SLC26A4: variants seen among roughly 807,000 people sequenced by gnomAD.
SLC26A4 encodes the protein solute carrier family 26 member 4.
In SLC26A4, 93 loss-of-function variants were observed where a neutral mutation model predicts 90.4. The ratio of observed to expected loss-of-function variants is 1.03; its 90% confidence interval spans 0.87 to 1.22. The LOEUF (loss-of-function observed/expected upper bound fraction) is 1.22, where lower values mean the gene tolerates loss of function less well. Among genes scored for constraint, SLC26A4 ranks in the 50% most tolerant of loss-of-function variants. The probability of loss-of-function intolerance (pLI) is 0.00; values close to 1 mark genes in which losing one functional copy is unlikely to be tolerated. For synonymous variants in SLC26A4, 393 were observed against 354.6 expected, an observed-to-expected ratio of 1.11 and a Z score of -1.22; for missense variants, 1,127 against 946.2, an observed-to-expected ratio of 1.19 and a Z score of -2.51.
intron 4 of SLC26A4, 66 bp from the exon 5 acceptor site, chr7:107,674,098 C>A: frequency 6.2e-6 from 9 of 1,441,512 alleles, no homozygotes; most frequent in Non-Finnish European, 8.8e-6. Flanking sequence ...TTTTTAAACC[C>A]TATGCAGACA....
At chr7:107,702,604 G>T (rs937645036) in intron 17 of SLC26A4, among the ~76,000 whole-genome samples, 1 of 150,028 alleles carries the variant, frequency 6.7e-6, no homozygotes, top group Non-Finnish European at 1.5e-5. Context: ...CAGGAGAATC[G>T]CTTGAACCCG....
In SLC26A4 at chr7:107,683,262, T is replaced by A. The variant is rs1320091265; in HGVS notation, c.826T>A (p.Leu276Met). Residue 276 changes from leucine (L) to methionine (M), a missense_variant, in exon 7 of 21, where the codon TTG becomes ATG. Coordinates refer to ENST00000644269, the MANE Select transcript of SLC26A4 (RefSeq NM_000441.2). ...CAATCTTGCTGATTTCACTGCTGGA[T>A]TGCTCACCATTGTCGTCTGTATGGC... The part of the protein sequence containing the change: ...DTNLADFTAG[L>M]LTIVVCMAVK... 2 of 1,613,126 alleles carry A rather than the reference T, an allele frequency of 1.2e-6. No individual in the cohort carries two copies. Among genetic ancestry groups the A allele is most frequent in the Non-Finnish European group, 1.7e-6 (2 of 1,179,668 alleles).
At chr7:107,713,787 A>G (rs1792262505) in intron 20 of SLC26A4, among the ~76,000 whole-genome samples, 2 of 152,198 alleles carry the variant, frequency 1.3e-5, no homozygotes. Context: ...GCTATGGTCT[A>G]GTAGAGTTCC....
Position 107,683,506 on chromosome 7 carries a change from A to T in SLC26A4, c.970A>T (p.Asn324Tyr), listed in dbSNP as rs36039758. The change falls in exon 8 of 21, where the codon AAT becomes TAT. Residue 324 changes from asparagine to tyrosine, a missense_variant. Physicochemically the swap from Asn to Tyr is moderately radical, Grantham distance 143. Coordinates refer to ENST00000644269, the MANE Select transcript of SLC26A4 (RefSeq NM_000441.2). ...TGGAGCCAACCTGGAAAAAAATTACAATGCTGGCATTGTTAAATCCATCCC... is the reference window on the plus strand; with the variant it reads ...TGGAGCCAACCTGGAAAAAAATTACTATGCTGGCATTGTTAAATCCATCCC... Reference protein sequence around the residue: ...SYGANLEKNYNAGIVKSIPRG... With the variant: ...SYGANLEKNYYAGIVKSIPRG... The T allele has an allele frequency of 1.8e-3, 2,910 of 1,613,876 alleles. 48 individuals are homozygous for T. In the African/African-American group the frequency reaches 0.035, roughly 19 times the overall value.
At chr7:107,697,895 G>C (rs549802591) in intron 13 of SLC26A4, 147 bp from the exon 14 acceptor site, 1 of 678,248 alleles carries the variant, frequency 1.5e-6, no homozygotes, top group East Asian at 2.7e-5. Flanking sequence ...GTTCATTTCA[G>C]AGTTAGCTAC....
At chr7:107,689,027 G>T (rs778915722) in intron 8 of SLC26A4, 26 bp from the exon 9 acceptor site, 1 of 1,613,128 alleles carries the variant, frequency 6.2e-7, no homozygotes, top group Non-Finnish European at 8.5e-7. Flanking sequence ...AATCTTCACA[G>T]CATTTTTCAC....
chr7:107,666,492 G>A (rs1371204751), intron 3 of SLC26A4, among the ~76,000 whole-genome samples: 1 of 152,214 alleles, frequency 6.6e-6, no homozygotes, highest in African/African-American at 2.4e-5. Context: ...AAAGTGCTGG[G>A]ATTAGAGGTG....
chr7:107,685,627 C>T (rs942456694), intron 8 of SLC26A4, among the ~76,000 whole-genome samples: 11 of 152,232 alleles, frequency 7.2e-5, no homozygotes, highest in Non-Finnish European at 1.3e-4. Flanking sequence ...CCCTCTACTC[C>T]CTTTCCTGGT....
At chr7:107,679,848 TATA>T (rs1057158821) in intron 6 of SLC26A4, among the ~76,000 whole-genome samples, 2 of 73,376 alleles carry the variant, frequency 2.7e-5, no homozygotes, top group African/African-American at 1.2e-4. Flanking sequence ...TATATAATCT[TATA>T]TTATTATATT....
chr7:107,698,358 C>T (rs1455279789), intron 14 of SLC26A4, among the ~76,000 whole-genome samples: 1 of 151,794 alleles, frequency 6.6e-6, no homozygotes, highest in Non-Finnish European at 1.5e-5. Flanking sequence ...TCACTCTTCA[C>T]CCAGGCTGGA....
intron 20 of SLC26A4, among the ~76,000 whole-genome samples, chr7:107,714,839 A>G (rs558459575): frequency 3.1e-4 from 47 of 152,252 alleles, no homozygotes; most frequent in African/African-American, 8.7e-4. Flanking sequence ...TGAAAATTAA[A>G]GGATAAATGT....
chr7:107,711,460 G>A (rs891812682), intron 19 of SLC26A4, among the ~76,000 whole-genome samples: 3 of 152,118 alleles, frequency 2.0e-5, no homozygotes, highest in African/African-American at 7.2e-5. Flanking sequence ...ACTCTTGTTT[G>A]CAATCAGAGA....
At chr7:107,681,163 C>A (rs1437809901) in intron 6 of SLC26A4, among the ~76,000 whole-genome samples, 4 of 152,120 alleles carry the variant, frequency 2.6e-5, no homozygotes, top group African/African-American at 9.7e-5. Flanking sequence ...CTCTGAAAAC[C>A]AGACAAAGTG....
intron 3 of SLC26A4, among the ~76,000 whole-genome samples, chr7:107,671,270 C>A (rs1397727970): frequency 6.6e-6 from 1 of 152,166 alleles, no homozygotes; most frequent in Non-Finnish European, 1.5e-5. Flanking sequence ...TCAAACAATC[C>A]TCCTGCCTCA....
intron 3 of SLC26A4, among the ~76,000 whole-genome samples, chr7:107,670,772 G>C (rs1028034476): frequency 1.3e-5 from 2 of 152,166 alleles, no homozygotes; most frequent in African/African-American, 4.8e-5. Flanking sequence ...TTCTCTCATT[G>C]TGAGTGAGTG....
chr7:107,703,140 G>A (rs1157803849), intron 17 of SLC26A4, among the ~76,000 whole-genome samples: 1 of 152,188 alleles, frequency 6.6e-6, no homozygotes, highest in Admixed American at 6.5e-5. Flanking sequence ...GCAGTCTGGA[G>A]GAGAAGGCAA....
At chr7:107,704,657 G>A (rs1791991888) in intron 18 of SLC26A4, among the ~76,000 whole-genome samples, 1 of 152,168 alleles carries the variant, frequency 6.6e-6, no homozygotes. Flanking sequence ...TCCATTCAAA[G>A]TTACTTTCTT....
chr7:107,692,618 C>T (rs768944715), intron 10 of SLC26A4, among the ~76,000 whole-genome samples: 1 of 152,126 alleles, frequency 6.6e-6, no homozygotes, highest in Admixed American at 6.6e-5. Context: ...TTGGTGGACA[C>T]GAACTGTTTT....
chr7:107,669,816 C>T (rs1392420355), intron 3 of SLC26A4, among the ~76,000 whole-genome samples: 4 of 152,138 alleles, frequency 2.6e-5, no homozygotes, highest in Admixed American at 2.6e-4. Flanking sequence ...ATACAGATAA[C>T]CCATTGATAT....
Sources: gnomAD v4.1 joint callset for allele counts (sites outside exome capture counted in the v4.1 genomes callset) on GRCh38, gnomAD v4.1.1 for gene constraint, MANE v1.5 for transcripts, NCBI Gene and HGNC (gene_info 2026-07-23, HGNC 2026-07-21) for gene names.